ADAMTSL1: variants seen among roughly 807,000 people sequenced by gnomAD.
ADAMTSL1 encodes ADAMTS-like protein 1.
A neutral mutation model predicts 201.8 loss-of-function variants in ADAMTSL1; 126 were observed. The observed-to-expected ratio is 0.62, with a 90% CI of 0.54 to 0.72. The LOEUF (loss-of-function observed/expected upper bound fraction) is 0.72, where lower values mean the gene tolerates loss of function less well. ADAMTSL1 is among the 30% of genes least tolerant of loss of function. ADAMTSL1 has a pLI of 0.00. For missense variants in ADAMTSL1, 2,679 were observed against 2,277.8 expected, an observed-to-expected ratio of 1.18 and a Z score of -3.59; for synonymous variants, 1,121 against 903.4, an observed-to-expected ratio of 1.24 and a Z score of -4.32.
chr9:18,415,899 G>A (rs1251790731), intron 2 of ADAMTSL1, among the ~76,000 whole-genome samples: 2 of 151,904 alleles, frequency 1.3e-5, no homozygotes, highest in African/African-American at 4.8e-5. Context: ...AGCAGTATTT[G>A]TAAAATACTG....
chr9:18,459,639 C>T (rs984458360), intron 2 of ADAMTSL1, among the ~76,000 whole-genome samples: 9 of 151,926 alleles, frequency 5.9e-5, no homozygotes, highest in African/African-American at 1.9e-4. Flanking sequence ...TTAATCAGAC[C>T]CTTTGGGAAA....
At chr9:18,122,227 T>C (rs754431582) in intron 1 of ADAMTSL1, among the ~76,000 whole-genome samples, 1 of 152,154 alleles carries the variant, frequency 6.6e-6, no homozygotes, top group Non-Finnish European at 1.5e-5. Context: ...TAAATGCATG[T>C]TCATAACTCC....
chr9:18,034,798 C>G (rs556165661), intron 1 of ADAMTSL1, among the ~76,000 whole-genome samples: 2 of 152,198 alleles, frequency 1.3e-5, no homozygotes, highest in Non-Finnish European at 2.9e-5. Flanking sequence ...TTTTGACACA[C>G]TTGGAACATC....
intron 23 of ADAMTSL1, among the ~76,000 whole-genome samples, chr9:18,844,204 T>A (rs1825932159): frequency 6.6e-6 from 1 of 152,318 alleles, no homozygotes; most frequent in East Asian, 1.9e-4. Flanking sequence ...GATGTACAGA[T>A]GGGTTTTTGG....
chr9:17,966,529 C>A (rs1356298009), intron 1 of ADAMTSL1, among the ~76,000 whole-genome samples: 1 of 152,028 alleles, frequency 6.6e-6, no homozygotes, highest in Non-Finnish European at 1.5e-5. Flanking sequence ...TTGTATTTTT[C>A]TTTTTGTAGT....
intron 2 of ADAMTSL1, among the ~76,000 whole-genome samples, chr9:18,241,498 C>G (rs914031773): frequency 2.4e-4 from 36 of 152,154 alleles, no homozygotes; most frequent in Non-Finnish European, 1.3e-4. Context: ...TTAATATTCC[C>G]TTCTCAAGCT....
intron 4 of ADAMTSL1, among the ~76,000 whole-genome samples, chr9:18,615,911 C>A (rs1318004642): frequency 1.3e-5 from 2 of 152,196 alleles, no homozygotes; most frequent in Non-Finnish European, 2.9e-5. Flanking sequence ...GGAGGTATAG[C>A]TGCACATGTG....
chr9:18,684,947 A>C, intron 13 of ADAMTSL1, 147 bp downstream of exon 13: 2 of 1,397,414 alleles, frequency 1.4e-6, no homozygotes, highest in Non-Finnish European at 1.9e-6. Context: ...AAGATTGATT[A>C]GTTTCAAAAA....
At chr9:18,897,652 A>G (rs1357233946) in intron 26 of ADAMTSL1, among the ~76,000 whole-genome samples, 1 of 152,234 alleles carries the variant, frequency 6.6e-6, no homozygotes, top group Non-Finnish European at 1.5e-5. Flanking sequence ...ATTAAATAGA[A>G]AACAATAACA....
At chr9:18,308,116 G>A (rs558443800) in intron 2 of ADAMTSL1, among the ~76,000 whole-genome samples, 4 of 152,176 alleles carry the variant, frequency 2.6e-5, no homozygotes, top group Admixed American at 2.0e-4. Context: ...CAAAATGAAG[G>A]CAGAAATACA....
intron 2 of ADAMTSL1, among the ~76,000 whole-genome samples, chr9:18,310,953 C>G (rs1048240180): frequency 7.9e-5 from 12 of 152,108 alleles, no homozygotes; most frequent in African/African-American, 2.2e-4. Flanking sequence ...TGGAACCAAC[C>G]CAAATGCCCA....
chr9:18,037,907 C>G lies in ADAMTSL1; in HGVS notation c.88-125955C>G, dbSNP rs576249399. Among the ~76,000 whole-genome samples the G allele has an allele frequency of 2.4e-4, 37 of 151,970 alleles. 1 individual carries two copies. In the South Asian group the frequency reaches 4.6e-3, roughly 19 times the overall value. Reference sequence around the variant, plus strand: ...TGTTCTCCAGGAAAAACATCCCCAGCAGGCTTCAAAATCCTGACTCTACTT... The same window carrying G: ...TGTTCTCCAGGAAAAACATCCCCAGGAGGCTTCAAAATCCTGACTCTACTT... On this transcript the variant is annotated intron_variant, in intron 1 of 29. Coordinates refer to the ADAMTSL1 transcript ENST00000680146.
At position 18,874,300 on chromosome 9, in the gene ADAMTSL1, G is replaced by C. The variant is rs182360384; in HGVS notation, c.4250-13531G>C. On this transcript the variant is annotated intron_variant, in intron 23 of 28. Coordinates refer to ENST00000380548, the MANE Select transcript of ADAMTSL1 (RefSeq NM_001040272.6). ...GCGCTTTCTTTCTTTTCTTTCTCTT[G>C]TCTGATTGCTCCGGCTAGGGCTTCC... Among the ~76,000 whole-genome samples, 481 of 152,060 alleles carry C rather than the reference G, an allele frequency of 3.2e-3. 4 individuals carry two copies. Among genetic ancestry groups the C allele is most frequent in the African/African-American group, 0.011 (442 of 41,488 alleles).
intron 2 of ADAMTSL1, among the ~76,000 whole-genome samples, chr9:18,320,652 A>C (rs1339412716): frequency 6.6e-6 from 1 of 152,220 alleles, no homozygotes; most frequent in Non-Finnish European, 1.5e-5. Context: ...GCAAAATTCC[A>C]ACATTACATT....
intron 4 of ADAMTSL1, among the ~76,000 whole-genome samples, chr9:18,595,591 G>T (rs1225881489): frequency 6.6e-6 from 1 of 152,234 alleles, no homozygotes; most frequent in East Asian, 1.9e-4. Context: ...GGCTCAGACT[G>T]CCAGGCTTGA....
chr9:18,025,397 T>G (rs1820650204), intron 1 of ADAMTSL1, among the ~76,000 whole-genome samples: 1 of 152,142 alleles, frequency 6.6e-6, no homozygotes, highest in African/African-American at 2.4e-5. Context: ...GCTCTTACAT[T>G]TAAGTCTTTA....
intron 2 of ADAMTSL1, among the ~76,000 whole-genome samples, chr9:18,454,999 C>T (rs1202226784): frequency 2.6e-5 from 4 of 152,140 alleles, no homozygotes; most frequent in Non-Finnish European, 5.9e-5. Flanking sequence ...CCCACCCCCA[C>T]CTTGCACAAT....
chr9:18,446,372 A>G (rs1820193064), intron 2 of ADAMTSL1, among the ~76,000 whole-genome samples: 1 of 152,244 alleles, frequency 6.6e-6, no homozygotes, highest in East Asian at 1.9e-4. Context: ...ATTTAAAGGC[A>G]TGAACTAAAA....
At position 18,767,909 on chromosome 9, in the gene ADAMTSL1, C is replaced by T. The variant is rs56107944; in HGVS notation, c.2218-2693C>T. ...GATTTTGTTCTTAATCAAGCCCAAA[C>T]GACACACTAGAAAAGCCCTTAGAAG... is the stretch of plus-strand genomic sequence containing the variant. On this transcript the variant is annotated intron_variant, in intron 16 of 28. Coordinates refer to ENST00000380548, the MANE Select transcript of ADAMTSL1 (RefSeq NM_001040272.6). 3.0e-3 allele frequency among the ~76,000 whole-genome samples: 462 copies of T among 152,192 alleles called. 3 individuals carry two copies. The highest frequency in any genetic ancestry group is 0.011 in the South Asian group (51 of 4,822).
Sources: gnomAD v4.1 joint callset for allele counts (sites outside exome capture counted in the v4.1 genomes callset) on GRCh38, gnomAD v4.1.1 for gene constraint, MANE v1.5 for transcripts, NCBI Gene and HGNC (gene_info 2026-07-23, HGNC 2026-07-21) for gene names.